Variants in KAZN observed in about 807,000 individuals in gnomAD.
KAZN encodes the protein kazrin.
KAZN carries 40 observed loss-of-function variants against 87.4 expected under a neutral mutation model. The observed-to-expected ratio is 0.46, with a 90% CI of 0.36 to 0.60. The LOEUF (loss-of-function observed/expected upper bound fraction) is 0.60, where lower values mean the gene tolerates loss of function less well. KAZN is among the 20% of genes least tolerant of loss of function. The probability of loss-of-function intolerance (pLI) is 0.00; values close to 1 mark genes in which losing one functional copy is unlikely to be tolerated. For synonymous variants in KAZN, 466 were observed against 458.3 expected (o/e 1.02, Z -0.22); for missense variants, 898 against 1,073.9 (o/e 0.84, Z 2.29).
intron 13 of KAZN, among the ~76,000 whole-genome samples, chr1:15,111,187 T>C (rs1250207470): frequency 2.0e-5 from 3 of 152,188 alleles, no homozygotes; most frequent in Non-Finnish European, 4.4e-5. Context: ...CTCCCCTCCC[T>C]TGAACTTTCT....
chr1:14,594,420 T>C (rs1341285065), upstream of KAZN, among the ~76,000 whole-genome samples: 3 of 152,206 alleles, frequency 2.0e-5, no homozygotes, highest in Non-Finnish European at 4.4e-5. Context: ...AGTTGGCTTA[T>C]TCTGCTCAGA....
At chr1:14,966,555 T>C (rs4661549) in intron 2 of KAZN, among the ~76,000 whole-genome samples, 85,959 of 152,166 alleles carry the variant, frequency 0.56, 27,065 homozygotes, top group African/African-American at 0.85. Context: ...CATGCTGAAA[T>C]TCAGTGGTAG....
chr1:14,666,674 G>A (rs958936222), intron 1 of KAZN, among the ~76,000 whole-genome samples: 15 of 152,130 alleles, frequency 9.9e-5, no homozygotes, highest in Non-Finnish European at 5.9e-5. Flanking sequence ...TTGGCTTGTA[G>A]CAACGTCACT....
Position 15,056,206 on chromosome 1 carries a change from C to T in KAZN, c.842C>T (p.Pro281Leu), listed in dbSNP as rs745414101. The T allele has an allele frequency of 8.7e-6, 14 of 1,614,114 alleles. No homozygotes were observed. Among genetic ancestry groups the T allele is most frequent in the Non-Finnish European group, 1.2e-5 (14 of 1,180,000 alleles). ...GAGTGGGTGGTGCAGGCGGACCTCCCGCTGACCGCAGCCATCCGGCAGAGT... is the reference window on the plus strand; with the variant it reads ...GAGTGGGTGGTGCAGGCGGACCTCCTGCTGACCGCAGCCATCCGGCAGAGT... ...NQEWVVQADL[P>L]LTAAIRQSQQ... Residue 281 changes from proline to leucine, a missense_variant, in exon 5 of 15, where the codon CCG becomes CTG. By Grantham distance (98) the Pro-to-Leu change is moderately conservative. Coordinates refer to ENST00000376030, the MANE Select transcript of KAZN (RefSeq NM_201628.3). This position sits in a 1 kb window ranked among gnomAD's most constrained non-coding sequence, Gnocchi z 5.4.
At position 15,094,337 on chromosome 1, in the gene KAZN, C is replaced by T. The variant is rs1217846501; in HGVS notation, c.1380C>T (p.Ala460=). 2 of 1,613,908 alleles carry T rather than the reference C, an allele frequency of 1.2e-6. No individual in the cohort carries two copies. The highest frequency in any genetic ancestry group is 1.1e-5 in the South Asian group (1 of 91,072). ...AGGCCTGGCTGGAGGTGGTGATGGC[C>T]ATGCCTATGTACGTCAAGGCCTGCA... ...TVQAWLEVVM[A]MPMYVKACTE... Residue 460 remains alanine (A), a synonymous_variant, in exon 9 of 15, where the codon GCC becomes GCT. Transcript: ENST00000376030. This position sits in a 1 kb window ranked among gnomAD's most constrained non-coding sequence, Gnocchi z 4.5.
intron 2 of KAZN, among the ~76,000 whole-genome samples, chr1:14,440,584 A>G (rs890671903): frequency 6.6e-6 from 1 of 152,190 alleles, no homozygotes; most frequent in African/African-American, 2.4e-5. Context: ...ATGTTTGAGG[A>G]ATGACTGATT....
chr1:14,667,360 G>A (rs370184954), intron 1 of KAZN, among the ~76,000 whole-genome samples: 3 of 152,294 alleles, frequency 2.0e-5, no homozygotes, highest in East Asian at 1.9e-4. Flanking sequence ...GAGGGGACTC[G>A]AAGGTGAATT....
intron 1 of KAZN, among the ~76,000 whole-genome samples, chr1:14,826,801 G>C (rs956475606): frequency 1.3e-5 from 2 of 152,156 alleles, no homozygotes; most frequent in East Asian, 3.9e-4. Flanking sequence ...GGGAATCTGG[G>C]CTTAAAAGAA....
intron 1 of KAZN, among the ~76,000 whole-genome samples, chr1:14,039,780 C>A (rs927442448): frequency 6.6e-6 from 1 of 152,104 alleles, no homozygotes; most frequent in Non-Finnish European, 1.5e-5. Context: ...GTATGCTGGG[C>A]GACCTCTCCA....
intron 1 of KAZN, among the ~76,000 whole-genome samples, chr1:13,973,713 G>A (rs963584685): frequency 6.6e-6 from 1 of 152,160 alleles, no homozygotes; most frequent in Non-Finnish European, 1.5e-5. Context: ...TGACAGTGTC[G>A]TGCATCTTCT....
intron 1 of KAZN, among the ~76,000 whole-genome samples, chr1:14,649,565 C>T (rs1029660500): frequency 3.9e-5 from 6 of 152,120 alleles, no homozygotes; most frequent in Non-Finnish European, 5.9e-5. Context: ...CACATGCAGC[C>T]GAAAGAAGGT....
intron 1 of KAZN, among the ~76,000 whole-genome samples, chr1:14,846,749 C>T (rs1366853479): frequency 6.6e-6 from 1 of 152,204 alleles, no homozygotes; most frequent in East Asian, 1.9e-4. Flanking sequence ...GTGATCATAA[C>T]TGTTGAATTT....
At chr1:13,966,386 A>C (rs1641945025) in intron 1 of KAZN, among the ~76,000 whole-genome samples, 1 of 151,934 alleles carries the variant, frequency 6.6e-6, no homozygotes, top group Non-Finnish European at 1.5e-5. Context: ...CCTGGCTCTG[A>C]CCTGTCTTTA....
intron 1 of KAZN, among the ~76,000 whole-genome samples, chr1:14,922,495 C>T (rs913349390): frequency 2.6e-5 from 4 of 152,116 alleles, no homozygotes; most frequent in Non-Finnish European, 1.5e-5. Context: ...CAGCTGGGAG[C>T]ACCCAGCACT....
chr1:15,045,272 T>C (rs918354489), intron 4 of KAZN, among the ~76,000 whole-genome samples: 1 of 152,210 alleles, frequency 6.6e-6, no homozygotes, highest in African/African-American at 2.4e-5. Flanking sequence ...TGCAGAGTGC[T>C]GATGCCAGCT....
rs182399066 is a variant in KAZN at position 14,638,151 on chromosome 1, C to T, written c.226+38928C>T. Among the ~76,000 whole-genome samples, 7 of 152,306 alleles carry T rather than the reference C, an allele frequency of 4.6e-5. No individual in the cohort carries two copies. The East Asian group carries it at 1.2e-3, about 25-fold the overall frequency. On this transcript the variant is annotated intron_variant, in intron 1 of 14. Transcript: ENST00000376030. ...GGCCCACCCTCATCCAGGATGGCCT[C>T]GTCTCAACGAATCACCTCTGCAAAG...
At chr1:14,567,292 A>C (rs1557805006) in intron 2 of KAZN, among the ~76,000 whole-genome samples, 1 of 152,116 alleles carries the variant, frequency 6.6e-6, no homozygotes, top group Non-Finnish European at 1.5e-5. Context: ...GAACACACAA[A>C]ATTTCTCAAG....
intron 1 of KAZN, among the ~76,000 whole-genome samples, chr1:14,873,674 G>A (rs1474210275): frequency 1.3e-5 from 2 of 152,152 alleles, no homozygotes; most frequent in Admixed American, 6.6e-5. Flanking sequence ...AGAAGAGGAG[G>A]GATTGGATCT....
Position 14,682,788 on chromosome 1 carries a change from C to G in KAZN, c.226+83565C>G, listed in dbSNP as rs574913878. ...TGTTAATGCTCATGACACTCTAGAC[C>G]CAGGAGGTCTTTAAATGCAAACAAG... On this transcript the variant is annotated intron_variant, in intron 1 of 14. Coordinates refer to ENST00000376030, the MANE Select transcript of KAZN (RefSeq NM_201628.3). 7.2e-5 allele frequency among the ~76,000 whole-genome samples: 11 copies of G among 152,252 alleles called. No individual in the cohort carries two copies. The South Asian group carries it at 2.3e-3, about 32-fold the overall frequency.
Sources: allele counts gnomAD v4.1 joint callset (sites outside exome capture counted in the v4.1 genomes callset), GRCh38; gene constraint gnomAD v4.1.1; non-coding constraint Gnocchi (gnomAD v3.1); transcripts MANE v1.5; gene names NCBI Gene and HGNC (gene_info 2026-07-23, HGNC 2026-07-21).